PLCG2: variants seen among roughly 807,000 people sequenced by gnomAD.
The protein encoded by PLCG2 is 1-phosphatidylinositol 4,5-bisphosphate phosphodiesterase gamma-2.
PLCG2 carries 69 observed loss-of-function variants against 175.6 expected under a neutral mutation model. The observed-to-expected ratio is 0.39, with a 90% confidence interval of 0.32 to 0.48. PLCG2 has a LOEUF of 0.48. Ranked by LOEUF, PLCG2 falls within the 20% of genes least tolerant of loss-of-function variation. The pLI is 0.91. For missense variants in PLCG2, 1,798 were observed against 1,650.9 expected (o/e 1.09, Z -1.54); for synonymous variants, 827 against 624.0 (o/e 1.33, Z -4.85).
chr16:81,764,693 A>C (rs927660473), intron 2 of PLCG2, among the ~76,000 whole-genome samples: 1 of 152,166 alleles, frequency 6.6e-6, no homozygotes, highest in African/African-American at 2.4e-5. Context: ...GTGTCCCCCA[A>C]ATTTATGTCC....
At chr16:81,889,410 A>T (rs28534531) in intron 10 of PLCG2, 137 bp downstream of exon 10, 1 of 591,034 alleles carries the variant, frequency 1.7e-6, no homozygotes, top group Non-Finnish European at 3.1e-6. Flanking sequence ...GTTAGCTGGG[A>T]TTGTTTCTTT....
At chr16:81,743,208 GGGCA>G (rs1374048179) in intron 1 of PLCG2, among the ~76,000 whole-genome samples, 1 of 152,156 alleles carries the variant, frequency 6.6e-6, no homozygotes, top group Non-Finnish European at 1.5e-5. Flanking sequence ...AAAGATAGCT[GGGCA>G]TGGTGGTGCA....
chr16:81,935,630 C>G (rs1910675483), intron 26 of PLCG2: 1 of 985,354 alleles, frequency 1.0e-6, no homozygotes, highest in Admixed American at 6.1e-5. Flanking sequence ...TCAGCAGGCT[C>G]AGCATGTTGA....
At chr16:81,853,553 C>G (rs1226263658) in intron 2 of PLCG2, among the ~76,000 whole-genome samples, 15 of 152,176 alleles carry the variant, frequency 9.9e-5, no homozygotes, top group Non-Finnish European at 1.5e-5. Context: ...ACCACACAAC[C>G]TGGATCCCTC....
chr16:81,742,012 C>A (rs1254210636), intron 1 of PLCG2, among the ~76,000 whole-genome samples: 1 of 152,174 alleles, frequency 6.6e-6, no homozygotes, highest in Non-Finnish European at 1.5e-5. Context: ...TGTGCATTCA[C>A]CAACTTCTCC....
chr16:81,803,873 G>T (rs1305629937), intron 2 of PLCG2, among the ~76,000 whole-genome samples: 1 of 152,008 alleles, frequency 6.6e-6, no homozygotes, highest in African/African-American at 2.4e-5. Context: ...ATACAGACAG[G>T]GTTTCACTAT....
chr16:81,904,554 T>C (rs57195186), intron 14 of PLCG2, among the ~76,000 whole-genome samples: 9,548 of 152,242 alleles, frequency 0.063, 923 homozygotes, highest in African/African-American at 0.21. Context: ...CGCCTTAGTC[T>C]AATCCCCATT....
intron 13 of PLCG2, 42 bp downstream of exon 13, chr16:81,895,969 G>T: frequency 9.9e-6 from 16 of 1,612,772 alleles, no homozygotes; most frequent in African/African-American, 1.3e-5. Context: ...TAAAGGGGAA[G>T]GCAGCTAGGG....
upstream of PLCG2, among the ~76,000 whole-genome samples, chr16:81,778,752 A>T (rs1910574765): frequency 6.6e-6 from 1 of 152,216 alleles, no homozygotes; most frequent in African/African-American, 2.4e-5. Context: ...CGAGGGCTTC[A>T]AATTAGGGCC....
At chr16:81,941,744 C>A (rs1597147719) in intron 30 of PLCG2, among the ~76,000 whole-genome samples, 1 of 151,148 alleles carries the variant, frequency 6.6e-6, no homozygotes, top group African/African-American at 2.4e-5. Flanking sequence ...GTCGCTCAGG[C>A]TGGAGTGCAG....
intron 2 of PLCG2, among the ~76,000 whole-genome samples, chr16:81,802,181 T>C (rs12325609): frequency 0.97 from 141,808 of 146,934 alleles, 68,600 homozygotes; most frequent in East Asian, 1. Context: ...GGCGCTATCT[T>C]GGCTCACTGC....
chr16:81,839,522 G>A (rs1006920219), intron 2 of PLCG2, among the ~76,000 whole-genome samples: 18 of 152,124 alleles, frequency 1.2e-4, no homozygotes, highest in African/African-American at 4.1e-4. Context: ...TGTTATATTT[G>A]CATACCATGA....
chr16:81,914,195 C>G (rs1909745361), intron 19 of PLCG2, among the ~76,000 whole-genome samples: 1 of 152,238 alleles, frequency 6.6e-6, no homozygotes. Context: ...ATGATGGCAA[C>G]TAAACCCAAC....
intron 2 of PLCG2, among the ~76,000 whole-genome samples, chr16:81,792,571 G>T (rs915875740): frequency 6.7e-6 from 1 of 149,128 alleles, no homozygotes; most frequent in Non-Finnish European, 1.5e-5. Flanking sequence ...ATAAAGGAAA[G>T]AGGTTTAATT....
chr16:81,756,324 C>T lies in PLCG2; in HGVS notation c.-48+358C>T, dbSNP rs148367912. ...GCCGGGCTATTATTGTCAGTATTCA[C>T]TGAGTGCATAGTATATGCCAGTCAC... On this transcript the variant is annotated intron_variant, in intron 2 of 5. Transcript: ENST00000565054. Among the ~76,000 whole-genome samples the T allele has an allele frequency of 4.6e-5, 7 of 152,356 alleles. No homozygotes were observed. In the East Asian group the frequency reaches 7.7e-4, roughly 17 times the overall value.
chr16:81,871,890 A>G (rs4997770), intron 7 of PLCG2, among the ~76,000 whole-genome samples: 82,798 of 151,672 alleles, frequency 0.55, 23,314 homozygotes, highest in Middle Eastern at 0.62. Flanking sequence ...ATTATGGTCT[A>G]TCCATATTAT....
intron 31 of PLCG2, among the ~76,000 whole-genome samples, chr16:81,953,809 T>C (rs569488610): frequency 3.5e-4 from 54 of 152,170 alleles, no homozygotes; most frequent in Non-Finnish European, 6.0e-4. Flanking sequence ...AGGACTACAG[T>C]ATGTAATATA....
At chr16:81,786,531 G>A (rs181239717) in intron 2 of PLCG2, among the ~76,000 whole-genome samples, 126 of 152,298 alleles carry the variant, frequency 8.3e-4, no homozygotes, top group Admixed American at 2.6e-3. Flanking sequence ...TCTTAAGGGC[G>A]AATTAGCCCA....
At chr16:81,914,962 G>C (rs1909780686) in intron 19 of PLCG2, among the ~76,000 whole-genome samples, 1 of 152,186 alleles carries the variant, frequency 6.6e-6, no homozygotes, top group African/African-American at 2.4e-5. Flanking sequence ...CCCACTGCAT[G>C]TCTGTCTGGG....
Sources: gnomAD v4.1 joint callset for allele counts (sites outside exome capture counted in the v4.1 genomes callset) on GRCh38, gnomAD v4.1.1 for gene constraint, MANE v1.5 for transcripts, NCBI Gene and HGNC (gene_info 2026-07-23, HGNC 2026-07-21) for gene names.